ROCK1: variants seen among roughly 807,000 people sequenced by gnomAD.
ROCK1 encodes Rho associated coiled-coil containing protein kinase 1, also known as rho-associated protein kinase 1.
In ROCK1, 36 loss-of-function variants were observed where a neutral mutation model predicts 196.8. That is an observed-to-expected ratio of 0.18 (90% CI 0.14 to 0.24). ROCK1 has a LOEUF of 0.24. Ranked by LOEUF, ROCK1 falls within the 10% of genes least tolerant of loss-of-function variation. The probability of loss-of-function intolerance (pLI) is 1.00; values close to 1 mark genes in which losing one functional copy is unlikely to be tolerated. For synonymous variants in ROCK1, 443 were observed against 515.9 expected (o/e 0.86, Z 1.91); for missense variants, 920 against 1,562.0 (o/e 0.59, Z 6.93).
At chr18:21,072,817 T>C (rs1244853234) in intron 1 of ROCK1, among the ~76,000 whole-genome samples, 1 of 152,068 alleles carries the variant, frequency 6.6e-6, no homozygotes, top group East Asian at 1.9e-4. Flanking sequence ...ACTCCTGTAA[T>C]CTCAGCACTT....
At position 20,968,665 on chromosome 18, in the gene ROCK1, C is replaced by T. The variant is rs559891334; in HGVS notation, c.3003+107G>A. On this transcript the variant is annotated intron_variant, in intron 25 of 32. Coordinates refer to ENST00000399799, the MANE Select transcript of ROCK1 (RefSeq NM_005406.3). The stretch of plus-strand genomic sequence containing the variant: ...TTAGCGGGGAGAGAATTTATTTGTT[C>T]TGATGAAAAGCTTGAACCTTATAAG... 69 of 689,532 alleles carry T rather than the reference C, an allele frequency of 1.0e-4. No individual in the cohort carries two copies. In the African/African-American group the frequency reaches 1.2e-3, roughly 12 times the overall value. The allele number at this position is 689,532 out of a possible 1,614,324, so 42.7% of individuals were successfully genotyped here.
intron 11 of ROCK1, among the ~76,000 whole-genome samples, chr18:21,021,563 G>A (rs1228268012): frequency 6.6e-6 from 1 of 152,092 alleles, no homozygotes; most frequent in African/African-American, 2.4e-5. Context: ...ATAAGATATG[G>A]GCTGAAAATC....
intron 2 of ROCK1, among the ~76,000 whole-genome samples, chr18:21,056,500 G>C (rs182220459): frequency 1.3e-5 from 2 of 152,162 alleles, no homozygotes; most frequent in East Asian, 3.9e-4. Context: ...TCTGTAATCT[G>C]ATAGCTTCTC....
chr18:21,009,512 C>T (rs1278651244), intron 13 of ROCK1, among the ~76,000 whole-genome samples: 1 of 152,076 alleles, frequency 6.6e-6, no homozygotes, highest in Non-Finnish European at 1.5e-5. Flanking sequence ...CTGTTATAAA[C>T]ATTAGTATAC....
intron 3 of ROCK1, 43 bp from the exon 4 acceptor site, chr18:21,049,272 T>C (rs747824938): frequency 7.0e-7 from 1 of 1,427,938 alleles, no homozygotes; most frequent in Non-Finnish European, 9.4e-7. Context: ...TTTGTTAACA[T>C]TTAAAGCTCA....
intron 18 of ROCK1, among the ~76,000 whole-genome samples, chr18:20,987,691 T>G (rs1598518753): frequency 6.6e-6 from 1 of 152,342 alleles, no homozygotes; most frequent in Non-Finnish European, 1.5e-5. Context: ...AACTAGTAAG[T>G]TGCCCCATAA....
intron 1 of ROCK1, among the ~76,000 whole-genome samples, chr18:21,098,645 A>G (rs2036631845): frequency 6.6e-6 from 1 of 151,986 alleles, no homozygotes; most frequent in Non-Finnish European, 1.5e-5. Context: ...CAAAAAAAAA[A>G]AAAAATCTGC....
At chr18:21,069,339 G>T (rs1191056652) in intron 2 of ROCK1, among the ~76,000 whole-genome samples, 4 of 151,850 alleles carry the variant, frequency 2.6e-5, no homozygotes, top group African/African-American at 9.7e-5. Context: ...ACATATGACT[G>T]CCCTAAAATT....
chr18:20,971,546 G>A (rs1197909638), intron 22 of ROCK1, among the ~76,000 whole-genome samples: 3 of 151,756 alleles, frequency 2.0e-5, no homozygotes, highest in Non-Finnish European at 4.4e-5. Flanking sequence ...AGACCAGTCT[G>A]CCAACGTAGT....
chr18:20,996,891 G>C (rs2035675902), intron 16 of ROCK1, among the ~76,000 whole-genome samples: 1 of 152,082 alleles, frequency 6.6e-6, no homozygotes, highest in South Asian at 2.1e-4. Context: ...AAAATAACGG[G>C]TTAGAGGATA....
intron 29 of ROCK1, among the ~76,000 whole-genome samples, chr18:20,959,021 TAA>T (rs1491416853): frequency 4.3e-5 from 3 of 70,578 alleles, no homozygotes; most frequent in African/African-American, 6.4e-5. Flanking sequence ...ATAATATATA[TAA>T]TATATATATT....
intron 1 of ROCK1, among the ~76,000 whole-genome samples, chr18:21,105,214 A>G (rs1032590564): frequency 1.3e-5 from 2 of 152,226 alleles, no homozygotes; most frequent in Non-Finnish European, 2.9e-5. Flanking sequence ...ACTCCCTAAA[A>G]TATTTCAGCA....
In ROCK1 at chr18:20,982,826, A is replaced by G. The variant is rs753758503; in HGVS notation, c.2496T>C (p.Tyr832=). 1 of 1,524,166 alleles carries G rather than the reference A, an allele frequency of 6.6e-7. No individual in the cohort carries two copies. The highest frequency in any genetic ancestry group is 1.7e-5 in the Admixed American group (1 of 58,536). The allele number at this position is 1,524,166 out of a possible 1,614,324, so 94.4% of individuals were successfully genotyped here. A position where few individuals can be genotyped will look rare whatever the true frequency, so the allele number is the denominator to read the frequency against. Residue 832 remains tyrosine, a synonymous_variant, in exon 21 of 33, where the codon TAT becomes TAC. Coordinates refer to ENST00000399799, the MANE Select transcript of ROCK1 (RefSeq NM_005406.3). ...CCCGCATCTGTCCTTCATTTCCTCT[A>G]TACTGTCTTCAGATGAAAAGAAAAA... The part of the protein sequence containing the change: ...EFELAQLTKQ[Y]RGNEGQMREL...
At chr18:21,012,778 T>C (rs190038075) in intron 13 of ROCK1, among the ~76,000 whole-genome samples, 5 of 152,328 alleles carry the variant, frequency 3.3e-5, no homozygotes, top group African/African-American at 4.8e-5. Context: ...TAGAATTTTA[T>C]TGTTATAGTT....
intron 9 of ROCK1, among the ~76,000 whole-genome samples, chr18:21,037,413 A>C (rs1354979907): frequency 1.3e-5 from 2 of 152,290 alleles, no homozygotes; most frequent in African/African-American, 2.4e-5. Flanking sequence ...ATGGAAACCC[A>C]AAAAAATTAA....
intron 2 of ROCK1, among the ~76,000 whole-genome samples, chr18:21,065,891 TA>T (rs371695719): frequency 0.03 from 4,604 of 152,204 alleles, 244 homozygotes; most frequent in African/African-American, 0.1. Context: ...CACAAAGAGA[TA>T]AAAATTAACA....
rs2036133279 is a variant in ROCK1 at position 21,043,951 on chromosome 18, T to C, written c.675+151A>G. ...AATACAACATTGAAACCATGGTATC[T>C]AGTTCAACAAATAAGGTCATATTAA... On this transcript the variant is annotated intron_variant, in intron 6 of 32. Coordinates refer to ENST00000399799, the MANE Select transcript of ROCK1 (RefSeq NM_005406.3). 1.4e-5 allele frequency: 8 copies of C among 562,224 alleles called. No homozygotes were observed. In the East Asian group the frequency reaches 2.1e-4, roughly 15 times the overall value. The allele number at this position is 562,224 out of a possible 1,614,324, so 34.8% of individuals were successfully genotyped here. A position where few individuals can be genotyped will look rare whatever the true frequency, so the allele number is the denominator to read the frequency against.
rs115549550 is a variant in ROCK1 at position 21,003,230 on chromosome 18, C to T, written c.1885+3121G>A. 9.4e-3 allele frequency among the ~76,000 whole-genome samples: 1,423 copies of T among 151,522 alleles called. 17 individuals are homozygous for T. The highest frequency in any genetic ancestry group is 0.033 in the African/African-American group (1,366 of 41,296). On this transcript the variant is annotated intron_variant, in intron 16 of 32. Transcript: ENST00000399799. The stretch of plus-strand genomic sequence containing the variant: ...TTCTGAACAGGAGCCACTCACAGGA[C>T]GAAAAAAACATGGTTTCTTTAACCG...
intron 27 of ROCK1, among the ~76,000 whole-genome samples, chr18:20,964,107 T>C (rs1006299142): frequency 1.3e-5 from 2 of 152,096 alleles, no homozygotes; most frequent in African/African-American, 4.8e-5. Flanking sequence ...AAAGTTGCAG[T>C]GTCAGTTTAT....
Sources: gnomAD v4.1 joint callset for allele counts (sites outside exome capture counted in the v4.1 genomes callset) on GRCh38, gnomAD v4.1.1 for gene constraint, MANE v1.5 for transcripts, NCBI Gene and HGNC (gene_info 2026-07-23, HGNC 2026-07-21) for gene names.